The following CCDC88B variants were observed in gnomAD, a reference collection of about 807,000 sequenced individuals.
CCDC88B encodes coiled-coil domain-containing protein 88B.
CCDC88B carries 138 observed loss-of-function variants against 183.7 expected under a neutral mutation model. That is an observed-to-expected ratio of 0.75 (90% CI 0.65 to 0.87). The LOEUF (loss-of-function observed/expected upper bound fraction) is 0.87. CCDC88B is among the 40% of genes least tolerant of loss of function. CCDC88B has a pLI of 0.00. For missense variants in CCDC88B, 1,822 were observed against 1,965.6 expected (o/e 0.93, Z 1.38); for synonymous variants, 835 against 867.5 (o/e 0.96, Z 0.66).
Position 64,342,026 on chromosome 11 carries a change from C to G in CCDC88B, c.708C>G (p.Pro236=). 1 of 1,612,784 alleles carries G rather than the reference C, an allele frequency of 6.2e-7. No individual in the cohort carries two copies. The highest frequency in any genetic ancestry group is 8.5e-7 in the Non-Finnish European group (1 of 1,179,782). The change falls in exon 8 of 27, where the codon CCC becomes CCG. Residue 236 remains proline, a synonymous_variant. Coordinates refer to ENST00000356786, the MANE Select transcript of CCDC88B (RefSeq NM_032251.6). ...CTGAACTGCTGCTGGAGCGAGAACC[C>G]CTCTGCTTGAGGCCTGAGGCTCCCT... ...RLAELLLERE[P]LCLRPEAPSR...
chr11:64,352,805 G>A lies in CCDC88B; in HGVS notation c.3418G>A (p.Glu1140Lys), dbSNP rs376134465. The change falls in exon 20 of 27, where the codon GAG becomes AAG. Residue 1140 changes from glutamate to lysine, a missense_variant. Glu to Lys is a moderately conservative substitution (Grantham distance 56). Coordinates refer to ENST00000356786, the MANE Select transcript of CCDC88B (RefSeq NM_032251.6). ...VEAQEVALLAERERLMQDGHR... is the reference protein window; with the variant it reads ...VEAQEVALLAKRERLMQDGHR... ...GGCACAGGAGGTGGCCCTGCTGGCA[G>A]AGCGTGAACGCCTGATGCAAGATGG... is the stretch of plus-strand genomic sequence containing the variant. 1.1e-5 allele frequency: 18 copies of A among 1,613,364 alleles called. No homozygotes were observed. The highest frequency in any genetic ancestry group is 1.7e-5 in the Admixed American group (1 of 60,012).
chr11:64,347,254 T>C (rs1317749293), intron 14 of CCDC88B, among the ~76,000 whole-genome samples: 2 of 152,222 alleles, frequency 1.3e-5, no homozygotes, highest in Admixed American at 1.3e-4. Flanking sequence ...GTTAGGGCTT[T>C]TGCCATGGGG....
Position 64,344,165 on chromosome 11 carries a change from G to C in CCDC88B, c.1624G>C (p.Glu542Gln), listed in dbSNP as rs145750009. ...TCCCCCGGCATTAGACTCAGTGCTC[G>C]AGGCATCAGCTGAGTGTCCCCAGGC... ...LAPPALDSVL[E>Q]ASAECPQAPD... Residue 542 changes from glutamate (E) to glutamine (Q), a missense_variant, in exon 14 of 27, where the codon GAG (glutamate) becomes CAG (glutamine). Physicochemically the swap from Glu to Gln is conservative, Grantham distance 29 (BLOSUM62 2). Coordinates refer to ENST00000356786, the MANE Select transcript of CCDC88B (RefSeq NM_032251.6). This position sits in a 1 kb window ranked among gnomAD's most constrained non-coding sequence, Gnocchi z 4.5. The C allele has an allele frequency of 8.1e-6, 13 of 1,612,980 alleles. No homozygotes were observed. The highest frequency in any genetic ancestry group is 5.9e-6 in the Non-Finnish European group (7 of 1,179,790).
chr11:64,353,467 C>T lies in CCDC88B; in HGVS notation c.3804C>T (p.Asp1268=). Residue 1268 remains aspartate (D), a synonymous_variant, in exon 22 of 27, where the codon GAC becomes GAT. Coordinates refer to ENST00000356786, the MANE Select transcript of CCDC88B (RefSeq NM_032251.6). ...TGGAGCGCAGCCTGGAGAGTCGGGA[C>T]CACCTGCACCGCGAACAGCGGGAGT... The part of the protein sequence containing the change: ...ELLERSLESR[D]HLHREQREYL... 1.2e-6 allele frequency: 2 copies of T among 1,612,342 alleles called. No individual in the cohort carries two copies. The highest frequency in any genetic ancestry group is 1.7e-6 in the Non-Finnish European group (2 of 1,179,900).
In CCDC88B at chr11:64,343,764, T is replaced by C; in HGVS notation, c.1319-14T>C. 6.4e-7 allele frequency: 1 copy of C among 1,554,664 alleles called. No homozygotes were observed. Reference sequence around the variant, plus strand: ...CAGTAAAGGAGGGGTCCTGACCTCATCTCTCATCCTCAGCACCCCTAGCAG... The same window carrying C: ...CAGTAAAGGAGGGGTCCTGACCTCACCTCTCATCCTCAGCACCCCTAGCAG... On this transcript the variant is annotated splice_polypyrimidine_tract_variant and intron_variant, in intron 12 of 26. Coordinates refer to ENST00000356786, the MANE Select transcript of CCDC88B (RefSeq NM_032251.6).
chr11:64,342,521 G>A lies in CCDC88B; in HGVS notation c.904-1G>A. The A allele has an allele frequency of 6.5e-7, 1 of 1,528,394 alleles. No homozygotes were observed. 94.7% of individuals were successfully genotyped at this position (1,528,394 alleles called of 1,614,324 possible). A position where few individuals can be genotyped will look rare whatever the true frequency, so the allele number is the denominator to read the frequency against. ...TCCCAGCTCCACACCGTCTGGCCCA[G>A]GCCCAGGCGCTGTCGGGACAGGCCA... On this transcript the variant is annotated splice_acceptor_variant, in intron 9 of 26. Coordinates refer to ENST00000356786, the MANE Select transcript of CCDC88B (RefSeq NM_032251.6). LOFTEE classifies it high-confidence loss of function.
chr11:64,352,924 G>C, intron 20 of CCDC88B, 37 bp downstream of exon 20: 1 of 1,531,402 alleles, frequency 6.5e-7, no homozygotes, highest in Non-Finnish European at 8.8e-7. Context: ...AGCTCTCAGT[G>C]GCCCCATCCT....
chr11:64,354,775 C>G, intron 24 of CCDC88B, among the ~76,000 whole-genome samples: 1 of 114,900 alleles, frequency 8.7e-6, no homozygotes, highest in East Asian at 3.1e-4. Context: ...TCCCCGTTCC[C>G]TTCCTCTGAC....
In CCDC88B at chr11:64,355,453, A is replaced by C. The variant is rs759004830; in HGVS notation, c.4306+53A>C. ...CAGCCCCCCAACTCTTTGTGGACCCACCAGCTCCTTGGGGGAGGAGGCTTC... is the reference window on the plus strand; with the variant it reads ...CAGCCCCCCAACTCTTTGTGGACCCCCCAGCTCCTTGGGGGAGGAGGCTTC... On this transcript the variant is annotated intron_variant, in intron 25 of 26. Transcript: ENST00000356786. 4 of 1,582,300 alleles carry C rather than the reference A, an allele frequency of 2.5e-6. No individual in the cohort carries two copies. The Admixed American group carries it at 7.2e-5, about 29-fold the overall frequency.
chr11:64,344,394 A>C lies in CCDC88B; in HGVS notation c.1853A>C (p.Gln618Pro), dbSNP rs142814776. 42 of 1,584,808 alleles carry C rather than the reference A, an allele frequency of 2.7e-5. No homozygotes were observed. Among genetic ancestry groups the C allele is most frequent in the Non-Finnish European group, 3.1e-5 (36 of 1,166,462 alleles). ...CCAGGGACCAAAATTCAGGCCCCGC[A>C]GTTGCTGGGAGGAGAGACAGAGGGA... is the stretch of plus-strand genomic sequence containing the variant. ...QGPGTKIQAP[Q>P]LLGGETEGRE... Residue 618 changes from glutamine (Q) to proline (P), a missense_variant, in exon 14 of 27, where the codon CAG (glutamine) becomes CCG (proline). Gln to Pro is a moderately conservative substitution (Grantham distance 76). Coordinates refer to ENST00000356786, the MANE Select transcript of CCDC88B (RefSeq NM_032251.6). The surrounding 1 kb of genome is among the most constrained non-coding windows in gnomAD (Gnocchi z 4.5).
chr11:64,351,348 C>T (rs2036322655), intron 17 of CCDC88B, 93 bp downstream of exon 17: 1 of 1,507,080 alleles, frequency 6.6e-7, no homozygotes. Flanking sequence ...GTATCCCGTG[C>T]AGTGTGAGTG....
intron 24 of CCDC88B, 45 bp from the exon 25 acceptor site, chr11:64,355,149 T>TC: frequency 8.7e-7 from 1 of 1,152,544 alleles, no homozygotes; most frequent in Non-Finnish European, 1.1e-6. Flanking sequence ...GAGCCTCAGC[T>TC]CCCGTCCCCT....
intron 18 of CCDC88B, 92 bp from the exon 19 acceptor site, chr11:64,352,038 G>A: frequency 6.7e-7 from 1 of 1,485,378 alleles, no homozygotes; most frequent in Non-Finnish European, 9.0e-7. Context: ...ATTGTCTTGG[G>A]CCCTACCGTC....
Position 64,351,701 on chromosome 11 carries a change from C to A in CCDC88B, c.3099+85C>A, listed in dbSNP as rs568968646. On this transcript the variant is annotated intron_variant, in intron 18 of 26. Transcript: ENST00000356786. ...GATCATCCTGTGGCCTTTTTCTATC[C>A]CAGCTCCCAGCCAGCTGCCCCACCT... 4.2e-6 allele frequency: 6 copies of A among 1,413,498 alleles called. No individual in the cohort carries two copies. In the Admixed American group the frequency reaches 1.4e-4, roughly 32 times the overall value. 87.6% of individuals were successfully genotyped at this position (1,413,498 alleles called of 1,614,324 possible).
intron 14 of CCDC88B, among the ~76,000 whole-genome samples, chr11:64,346,506 T>A (rs1466066100): frequency 6.6e-6 from 1 of 151,864 alleles, no homozygotes; most frequent in Non-Finnish European, 1.5e-5. Flanking sequence ...AGTGGTGCTA[T>A]CTCGGCTCAC....
Position 64,344,992 on chromosome 11 carries a change from G to T in CCDC88B, c.2451G>T (p.Ala817=), listed in dbSNP as rs533438647. 1.9e-6 allele frequency: 3 copies of T among 1,546,694 alleles called. No individual in the cohort carries two copies. The South Asian group carries it at 3.6e-5, about 18-fold the overall frequency. Residue 817 remains alanine, a synonymous_variant, in exon 14 of 27, where the codon GCG becomes GCT. Transcript: ENST00000356786. This position sits in a 1 kb window ranked among gnomAD's most constrained non-coding sequence, Gnocchi z 4.5. Reference sequence around the variant, plus strand: ...AGGAACGGGAGGCGCTGGTGGAGGCGCTGGCAGCAGCGGGCCGGGAGCGGA... The same window carrying T: ...AGGAACGGGAGGCGCTGGTGGAGGCTCTGGCAGCAGCGGGCCGGGAGCGGA... ...ASQEREALVE[A]LAAAGRERRQ...
intron 10 of CCDC88B, chr11:64,342,923 G>T: frequency 9.9e-6 from 5 of 507,100 alleles, no homozygotes; most frequent in Non-Finnish European, 1.7e-5. Flanking sequence ...GGCTGTTCCC[G>T]GGGGGGAGGG....
Position 64,341,656 on chromosome 11 carries a change from C to T in CCDC88B, c.589C>T (p.Leu197=). Residue 197 remains leucine, a synonymous_variant, in exon 7 of 27, where the codon CTG becomes TTG. Coordinates refer to ENST00000356786, the MANE Select transcript of CCDC88B (RefSeq NM_032251.6). The stretch of plus-strand genomic sequence containing the variant: ...ACTGTCTGGGCCAGATCCTGGGGAG[C>T]TGGCACCTGCCGAGCTGGAGATGCT... ...LALSGPDPGE[L]APAELEMLSR... is the part of the protein sequence containing the mutation. 1 of 1,607,468 alleles carries T rather than the reference C, an allele frequency of 6.2e-7. No homozygotes were observed. The highest frequency in any genetic ancestry group is 8.5e-7 in the Non-Finnish European group (1 of 1,177,252).
rs142369299 is a variant in CCDC88B at position 64,351,889 on chromosome 11, C to T, written c.3100-241C>T. Among the ~76,000 whole-genome samples, 1,256 of 152,204 alleles carry T rather than the reference C, an allele frequency of 8.3e-3. 13 individuals are homozygous for T. The highest frequency in any genetic ancestry group is 0.014 in the Non-Finnish European group (929 of 67,994). On this transcript the variant is annotated intron_variant, in intron 18 of 26. Coordinates refer to ENST00000356786, the MANE Select transcript of CCDC88B (RefSeq NM_032251.6). ...CTCCCCTCCACAGGGCGCCATTAGT[C>T]CCATTCTGCCCTGTGCCCCTTCCGG...
Sources: allele counts gnomAD v4.1 joint callset (sites outside exome capture counted in the v4.1 genomes callset), GRCh38; gene constraint gnomAD v4.1.1; non-coding constraint Gnocchi (gnomAD v3.1); transcripts MANE v1.5; gene names NCBI Gene and HGNC (gene_info 2026-07-23, HGNC 2026-07-21).